The following NAALADL2 variants were observed in gnomAD, a reference collection of about 807,000 sequenced individuals.
NAALADL2 encodes N-acetylated alpha-linked acidic dipeptidase like 2.
In NAALADL2, 76 loss-of-function variants were observed where a neutral mutation model predicts 87.2. The ratio of observed to expected loss-of-function variants is 0.87; its 90% CI spans 0.72 to 1.05. The LOEUF is 1.05. Among genes scored for constraint, NAALADL2 ranks in the 50% least tolerant of loss-of-function variants. NAALADL2 has a pLI of 0.00. For synonymous variants in NAALADL2, 354 were observed against 331.0 expected (o/e 1.07, Z -0.75); for missense variants, 1,089 against 945.8 (o/e 1.15, Z -1.99).
Position 174,828,628 on chromosome 3 carries a change from G to A in NAALADL2, c.-9+90882G>A, listed in dbSNP as rs73881525. Among the ~76,000 whole-genome samples the A allele has an allele frequency of 5.7e-3, 872 of 152,266 alleles. 9 individuals are homozygous for A. Among genetic ancestry groups the A allele is most frequent in the African/African-American group, 0.02 (833 of 41,532 alleles). Reference sequence around the variant, plus strand: ...AGTTCACTTTTCATTTCTTATCTCTGTATATTCCTACAAATGAGCTTCATT... The same window carrying A: ...AGTTCACTTTTCATTTCTTATCTCTATATATTCCTACAAATGAGCTTCATT... On this transcript the variant is annotated intron_variant, in intron 3 of 3. Coordinates refer to the NAALADL2 transcript ENST00000434257.
chr3:174,757,227 C>G (rs1274773822), intron 3 of NAALADL2, among the ~76,000 whole-genome samples: 1 of 152,098 alleles, frequency 6.6e-6, no homozygotes, highest in Non-Finnish European at 1.5e-5. Flanking sequence ...GAAGGTAAGA[C>G]AAAGCACGTT....
chr3:174,540,335 T>A (rs1309171197), intron 1 of NAALADL2, among the ~76,000 whole-genome samples: 1 of 152,070 alleles, frequency 6.6e-6, no homozygotes, highest in Non-Finnish European at 1.5e-5. Flanking sequence ...TGTTTTGGGG[T>A]CATTTCCTGT....
intron 4 of NAALADL2, among the ~76,000 whole-genome samples, chr3:175,298,761 A>T (rs1024471122): frequency 1.6e-4 from 24 of 152,144 alleles, no homozygotes; most frequent in African/African-American, 5.8e-4. Flanking sequence ...TCTTGTCTGA[A>T]CTTAACCAAG....
At chr3:174,763,727 CAAGCTGATG>C (rs1286058929) in intron 3 of NAALADL2, among the ~76,000 whole-genome samples, 1 of 148,706 alleles carries the variant, frequency 6.7e-6, no homozygotes, top group Non-Finnish European at 1.5e-5. Context: ...TAAAAATGGT[CAAGCTGATG>C]AGAGTTGTAG....
At chr3:175,160,000 C>CTTTTTTTTTTTTTTT (rs58734561) in intron 2 of NAALADL2, among the ~76,000 whole-genome samples, 1 of 134,120 alleles carries the variant, frequency 7.5e-6, no homozygotes, top group Non-Finnish European at 1.6e-5. Context: ...CCACTCGTGA[C>CTTTTTTTTTTTTTTT]TTTTTTTTTT....
intron 9 of NAALADL2, among the ~76,000 whole-genome samples, chr3:175,491,246 A>AAAATAAATATTATTTTATTGT (rs1728051028): frequency 6.6e-6 from 1 of 150,392 alleles, no homozygotes; most frequent in Admixed American, 6.6e-5. Flanking sequence ...TAAATATAAT[A>AAAATAAATATTATTTTATTGT]CAATAAATAT....
rs532052647 is a variant in NAALADL2 at position 174,916,192 on chromosome 3, C to T, written c.43+56742C>T. Among the ~76,000 whole-genome samples the T allele has an allele frequency of 2.0e-5, 3 of 152,044 alleles. No individual in the cohort carries two copies. The South Asian group carries it at 6.2e-4, about 32-fold the overall frequency. ...ACCACCTTACTCCTGCAAGAACGGC[C>T]ATAATTAAAAAGTCAAAAACAACAG... is the stretch of plus-strand genomic sequence containing the variant. On this transcript the variant is annotated intron_variant, in intron 1 of 13. Transcript: ENST00000454872.
intron 9 of NAALADL2, among the ~76,000 whole-genome samples, chr3:175,522,469 C>T (rs1365241845): frequency 6.6e-6 from 1 of 152,142 alleles, no homozygotes; most frequent in African/African-American, 2.4e-5. Flanking sequence ...GCTGAAATGG[C>T]ATGCTCTGGG....
chr3:174,820,689 A>G (rs972686807), intron 3 of NAALADL2, among the ~76,000 whole-genome samples: 2 of 152,184 alleles, frequency 1.3e-5, no homozygotes, highest in Non-Finnish European at 2.9e-5. Flanking sequence ...CTGCAAAATA[A>G]TTGACATAAG....
chr3:174,537,395 T>C (rs935692229), intron 1 of NAALADL2, among the ~76,000 whole-genome samples: 1 of 152,188 alleles, frequency 6.6e-6, no homozygotes, highest in Non-Finnish European at 1.5e-5. Flanking sequence ...ACTTGAAAGA[T>C]CATGGAATGG....
At chr3:174,465,806 C>A (rs1267970284) in intron 1 of NAALADL2, among the ~76,000 whole-genome samples, 1 of 151,112 alleles carries the variant, frequency 6.6e-6, no homozygotes, top group Non-Finnish European at 1.5e-5. Flanking sequence ...GATATACACA[C>A]TTTTTTTTTA....
chr3:174,948,601 A>G (rs1260317346), intron 1 of NAALADL2, among the ~76,000 whole-genome samples: 1 of 152,206 alleles, frequency 6.6e-6, no homozygotes, highest in Non-Finnish European at 1.5e-5. Context: ...CAACACAGTC[A>G]TTTTATTATC....
At chr3:175,245,266 A>G (rs1361701922) in intron 3 of NAALADL2, among the ~76,000 whole-genome samples, 1 of 152,170 alleles carries the variant, frequency 6.6e-6, no homozygotes, top group African/African-American at 2.4e-5. Context: ...CTAAGGTACT[A>G]TTTATTAAAT....
intron 2 of NAALADL2, among the ~76,000 whole-genome samples, chr3:174,700,370 A>G (rs12487857): frequency 0.23 from 34,697 of 151,968 alleles, 5,956 homozygotes; most frequent in East Asian, 0.49. Flanking sequence ...TGTGAAATAT[A>G]TTGACATCTA....
At chr3:175,159,352 T>G (rs2108828869) in intron 2 of NAALADL2, among the ~76,000 whole-genome samples, 1 of 152,294 alleles carries the variant, frequency 6.6e-6, no homozygotes, top group African/African-American at 2.4e-5. Flanking sequence ...AGCAGCTGAT[T>G]TGAGTAGTGT....
intron 1 of NAALADL2, among the ~76,000 whole-genome samples, chr3:175,087,350 C>T (rs553665567): frequency 3.3e-5 from 5 of 152,192 alleles, no homozygotes; most frequent in East Asian, 1.9e-4. Flanking sequence ...TCTGCACGGC[C>T]GCCCCGTCTG....
chr3:174,632,840 C>A, intron 2 of NAALADL2, among the ~76,000 whole-genome samples: 1 of 146,078 alleles, frequency 6.8e-6, no homozygotes, highest in East Asian at 2.1e-4. Flanking sequence ...GGGGCTGAGG[C>A]ACGAGAATCA....
At chr3:175,715,107 C>T (rs538405779) in intron 11 of NAALADL2, among the ~76,000 whole-genome samples, 5 of 152,204 alleles carry the variant, frequency 3.3e-5, no homozygotes, top group South Asian at 2.1e-4. Flanking sequence ...ATTAATCATA[C>T]GTGGAACCTT....
chr3:174,949,887 C>A (rs1017034196), intron 1 of NAALADL2, among the ~76,000 whole-genome samples: 1 of 152,112 alleles, frequency 6.6e-6, no homozygotes, highest in Non-Finnish European at 1.5e-5. Context: ...ACTATCCATT[C>A]CCAGATTCTC....
Sources: gnomAD v4.1 joint callset for allele counts (sites outside exome capture counted in the v4.1 genomes callset) on GRCh38, gnomAD v4.1.1 for gene constraint, MANE v1.5 for transcripts, NCBI Gene and HGNC (gene_info 2026-07-23, HGNC 2026-07-21) for gene names.